The following CEP85L variants were observed in gnomAD, a reference collection of about 807,000 sequenced individuals.
CEP85L encodes the protein centrosomal protein 85L.
A neutral mutation model predicts 100.3 loss-of-function variants in CEP85L; 60 were observed. That is an observed-to-expected ratio of 0.60 (90% confidence interval 0.49 to 0.74). CEP85L has a LOEUF of 0.74. CEP85L is among the 30% of genes least tolerant of loss of function. The pLI is 0.00. For synonymous variants in CEP85L, 319 were observed against 322.7 expected (o/e 0.99, Z 0.12); for missense variants, 973 against 936.2 (o/e 1.04, Z -0.51).
intron 7 of CEP85L, among the ~76,000 whole-genome samples, chr6:118,483,042 T>A (rs1773904735): frequency 6.6e-6 from 1 of 152,082 alleles, no homozygotes; most frequent in East Asian, 1.9e-4. Flanking sequence ...AGTACACCCT[T>A]CAAAGATCAA....
At chr6:118,579,525 C>G (rs528128740) in intron 2 of CEP85L, among the ~76,000 whole-genome samples, 26 of 152,322 alleles carry the variant, frequency 1.7e-4, no homozygotes, top group African/African-American at 5.5e-4. Context: ...CTGTAGAGAG[C>G]TGTAAGTGTT....
intron 4 of CEP85L, among the ~76,000 whole-genome samples, chr6:118,520,631 G>C (rs995699247): frequency 6.6e-6 from 1 of 152,074 alleles, no homozygotes; most frequent in Non-Finnish European, 1.5e-5. Flanking sequence ...CAGAACACTA[G>C]AACTTCTATC....
Position 118,565,884 on chromosome 6 carries a change from C to T in CEP85L, c.665G>A (p.Arg222Gln), listed in dbSNP as rs1378142707. Residue 222 changes from arginine (R) to glutamine (Q), a missense_variant, in exon 3 of 13, where the codon CGG becomes CAG. By Grantham distance (43) the Arg-to-Gln change is conservative. Transcript: ENST00000368491. ...RLEDKEINKK[R>Q]SSTLDCKYKF... ...ATACTTGCAGTCCAGAGTTGATGAC[C>T]GTTTTTTATTTATTTCCTTGTCCTC... 4.3e-6 allele frequency: 7 copies of T among 1,613,914 alleles called. No individual in the cohort carries two copies. The highest frequency in any genetic ancestry group is 3.3e-5 in the Admixed American group (2 of 59,990).
At chr6:118,610,091 G>A (rs551345320) in intron 2 of CEP85L, among the ~76,000 whole-genome samples, 30 of 152,178 alleles carry the variant, frequency 2.0e-4, no homozygotes, top group Admixed American at 1.5e-3. Context: ...AAAAATCATC[G>A]TATTAAATCA....
intron 1 of CEP85L, among the ~76,000 whole-genome samples, chr6:118,666,646 C>A (rs535890351): frequency 2.0e-5 from 3 of 152,208 alleles, no homozygotes; most frequent in African/African-American, 7.2e-5. Context: ...CCCAGGTAGT[C>A]AGTGTCTGTG....
chr6:118,560,514 G>C (rs1316612579), intron 3 of CEP85L: 4 of 167,004 alleles, frequency 2.4e-5, no homozygotes, highest in Admixed American at 6.5e-5. Flanking sequence ...TTGCAGTCTT[G>C]TCTTAGGGGT....
chr6:118,561,509 A>G (rs1305136578), intron 3 of CEP85L, among the ~76,000 whole-genome samples: 2 of 152,154 alleles, frequency 1.3e-5, no homozygotes, highest in Non-Finnish European at 2.9e-5. Context: ...AGAATAAGAT[A>G]TAAGAAAACA....
intron 2 of CEP85L, among the ~76,000 whole-genome samples, chr6:118,585,036 C>T (rs1780778459): frequency 6.6e-6 from 1 of 152,220 alleles, no homozygotes; most frequent in East Asian, 1.9e-4. Flanking sequence ...AGAACCCAGA[C>T]TGGACCCTCT....
intron 3 of CEP85L, among the ~76,000 whole-genome samples, chr6:118,536,736 T>A (rs1777617073): frequency 6.6e-6 from 1 of 152,138 alleles, no homozygotes; most frequent in Admixed American, 6.6e-5. Context: ...GGATGAAGAA[T>A]GAAGTTGATA....
intron 5 of CEP85L, among the ~76,000 whole-genome samples, chr6:118,496,425 G>A (rs1279908300): frequency 2.7e-5 from 4 of 146,584 alleles, no homozygotes; most frequent in Non-Finnish European, 6.0e-5. Context: ...GCACGATCTC[G>A]GCTCCTGCAA....
chr6:118,577,299 C>T (rs1483640459), intron 2 of CEP85L, among the ~76,000 whole-genome samples: 6 of 152,172 alleles, frequency 3.9e-5, no homozygotes. Flanking sequence ...GGATACTCTG[C>T]CAAGTAACTG....
chr6:118,481,653 A>G (rs1773792716), intron 8 of CEP85L, 126 bp downstream of exon 8: 1 of 531,778 alleles, frequency 1.9e-6, no homozygotes, highest in Admixed American at 4.1e-5. Context: ...TGGATAAGGG[A>G]TGAGCATCCT....
intron 2 of CEP85L, among the ~76,000 whole-genome samples, chr6:118,616,390 G>A (rs1165512244): frequency 1.3e-5 from 2 of 151,984 alleles, no homozygotes; most frequent in African/African-American, 4.8e-5. Flanking sequence ...ACAAAAGCCA[G>A]GAATGGTGGT....
intron 1 of CEP85L, among the ~76,000 whole-genome samples, chr6:118,641,997 C>T (rs548213154): frequency 1.3e-5 from 2 of 151,762 alleles, no homozygotes; most frequent in Non-Finnish European, 2.9e-5. Context: ...TCTGCATATG[C>T]GAGTTGGAAA....
intron 2 of CEP85L, among the ~76,000 whole-genome samples, chr6:118,573,147 G>A (rs1780010496): frequency 6.6e-6 from 1 of 152,152 alleles, no homozygotes; most frequent in African/African-American, 2.4e-5. Context: ...TAAAGCTCAT[G>A]AAGAAACTGC....
rs572072904 is a variant in CEP85L, at chr6:118,707,934, T to A, written c.-28+2102A>T. On this transcript the variant is annotated intron_variant, in intron 1 of 13. Transcript: ENST00000368488. ...AAATCTAAAAGACCAATACAACCTA[T>A]TACTGGTAGAAATATGGGAGAAAGA... 8.7e-5 allele frequency among the ~76,000 whole-genome samples: 12 copies of A among 137,198 alleles called. No individual in the cohort carries two copies. In the South Asian group the frequency reaches 2.4e-3, roughly 28 times the overall value. The allele number at this position is 137,198 out of a possible 152,430, so 90.0% of individuals were successfully genotyped here.
chr6:118,530,795 C>T (rs1175735916), intron 3 of CEP85L, among the ~76,000 whole-genome samples: 2 of 151,188 alleles, frequency 1.3e-5, no homozygotes, highest in Non-Finnish European at 2.9e-5. Context: ...ATACAACTAA[C>T]TAGGGAAGTA....
chr6:118,709,576 A>C (rs910125257), intron 1 of CEP85L, among the ~76,000 whole-genome samples: 1 of 92,348 alleles, frequency 1.1e-5, no homozygotes, highest in Non-Finnish European at 2.4e-5. Context: ...AGAGAGAGAG[A>C]GAGAGAGCGC....
intron 1 of CEP85L, among the ~76,000 whole-genome samples, chr6:118,680,420 C>CTA (rs1250531823): frequency 9.5e-6 from 1 of 105,390 alleles, no homozygotes; most frequent in Non-Finnish European, 1.9e-5. Flanking sequence ...CCTCAAAATT[C>CTA]CAACCAGTGA....
Sources: gnomAD v4.1 joint callset for allele counts (sites outside exome capture counted in the v4.1 genomes callset) on GRCh38, gnomAD v4.1.1 for gene constraint, MANE v1.5 for transcripts, NCBI Gene and HGNC (gene_info 2026-07-23, HGNC 2026-07-21) for gene names.